The following RFX7 variants were observed in gnomAD, a reference collection of about 807,000 sequenced individuals.
RFX7 encodes DNA-binding protein RFX7.
RFX7 carries 26 observed loss-of-function variants against 111.8 expected under a neutral mutation model. The observed-to-expected ratio is 0.23, with a 90% CI of 0.17 to 0.32. The LOEUF is 0.32. Ranked by LOEUF, RFX7 falls within the 10% of genes least tolerant of loss-of-function variation. The pLI is 1.00. For missense variants in RFX7, 1,573 were observed against 1,772.9 expected, an observed-to-expected ratio of 0.89 and a Z score of 2.02; for synonymous variants, 624 against 624.4, an observed-to-expected ratio of 1.00 and a Z score of 0.01.
chr15:56,096,409 C>T lies in RFX7; in HGVS notation c.1319G>A (p.Ser440Asn). Residue 440 changes from serine (S) to asparagine (N), a missense_variant, in exon 10 of 10, where the codon AGT becomes AAT. This residue lies in a region of RFX7 where 288 missense variants were observed against 337.9 expected (regional missense o/e 0.85). Coordinates refer to ENST00000559447, the MANE Select transcript of RFX7 (RefSeq NM_022841.7). ...PQILPKPANT[S>N]ALTIRSPTTV... The stretch of plus-strand genomic sequence containing the variant: ...AGTTGGAGAGCGAATGGTGAGTGCA[C>T]TGGTGTTCGCTGGTTTGGGTAAGAT... 1.1e-5 allele frequency: 17 copies of T among 1,613,876 alleles called. No homozygotes were observed. The highest frequency in any genetic ancestry group is 1.4e-5 in the Non-Finnish European group (17 of 1,179,848).
intron 5 of RFX7, among the ~76,000 whole-genome samples, chr15:56,110,404 C>T (rs1193631244): frequency 9.9e-5 from 10 of 100,582 alleles, no homozygotes; most frequent in East Asian, 3.4e-4. Context: ...CCAGCCGCCC[C>T]GTCCGGGGGA....
At chr15:56,242,507 A>C (rs1317645430) in intron 2 of RFX7, among the ~76,000 whole-genome samples, 5 of 152,230 alleles carry the variant, frequency 3.3e-5, no homozygotes, top group African/African-American at 9.6e-5. Flanking sequence ...TTAAAAAAAA[A>C]CCACTTTGTT....
intron 2 of RFX7, among the ~76,000 whole-genome samples, chr15:56,223,244 C>T (rs1242835169): frequency 6.6e-6 from 1 of 152,150 alleles, no homozygotes; most frequent in African/African-American, 2.4e-5. Context: ...TCAGAATGAT[C>T]CCCATAAAGG....
intron 3 of RFX7, among the ~76,000 whole-genome samples, chr15:56,149,458 T>C (rs140894140): frequency 1.2e-3 from 179 of 152,270 alleles, no homozygotes; most frequent in South Asian, 5.0e-3. Context: ...CCCAGCGAGA[T>C]TGATGCAGAA....
At chr15:56,116,890 T>C (rs1334123578) in intron 5 of RFX7, among the ~76,000 whole-genome samples, 3 of 152,118 alleles carry the variant, frequency 2.0e-5, no homozygotes, top group African/African-American at 7.2e-5. Context: ...TGTACAAATA[T>C]TGAGTAAAAA....
At chr15:56,166,947 A>G (rs193109539) in intron 3 of RFX7, among the ~76,000 whole-genome samples, 2 of 152,240 alleles carry the variant, frequency 1.3e-5, no homozygotes, top group African/African-American at 2.4e-5. Context: ...TGGAATTACT[A>G]TTCCAAGGAG....
intron 5 of RFX7, among the ~76,000 whole-genome samples, chr15:56,140,478 C>T (rs1364633982): frequency 6.6e-6 from 1 of 152,206 alleles, no homozygotes; most frequent in Non-Finnish European, 1.5e-5. Context: ...CTTCGGCTGG[C>T]GCACGGTGCA....
rs757534799 is a variant in RFX7 at position 56,094,226 on chromosome 15, T to A, written c.3502A>T (p.Ser1168Cys). Reference protein sequence around the residue: ...ASSNFRCRSVSPAVHRQRNLS... With the variant: ...ASSNFRCRSVCPAVHRQRNLS... ...TTACGTTGGCGATGAACAGCAGGGC[T>A]CACACTCCGGCATCTGAAGTTGCTG... Residue 1168 changes from serine to cysteine, a missense_variant, in exon 10 of 10, where the codon AGC becomes TGC. Around this residue, in one of 7 missense-constraint regions of RFX7, gnomAD observed 411 missense variants for 478.1 expected, o/e 0.86. Coordinates refer to ENST00000559447, the MANE Select transcript of RFX7 (RefSeq NM_022841.7). 7 of 1,613,858 alleles carry A rather than the reference T, an allele frequency of 4.3e-6. No individual in the cohort carries two copies.
At chr15:56,226,029 A>C (rs1305773511) in intron 2 of RFX7, among the ~76,000 whole-genome samples, 1 of 152,080 alleles carries the variant, frequency 6.6e-6, no homozygotes, top group Non-Finnish European at 1.5e-5. Flanking sequence ...GGTAAGAACA[A>C]GAGAGGAAAA....
intron 5 of RFX7, among the ~76,000 whole-genome samples, chr15:56,108,855 A>C (rs1312964628): frequency 6.6e-6 from 1 of 152,176 alleles, no homozygotes; most frequent in Non-Finnish European, 1.5e-5. Context: ...AAAGTCTCAG[A>C]ATACAAAATC....
intron 5 of RFX7, among the ~76,000 whole-genome samples, chr15:56,117,181 A>G (rs75651141): frequency 6.6e-6 from 1 of 152,278 alleles, no homozygotes; most frequent in African/African-American, 2.4e-5. Context: ...ACTTTCCAAT[A>G]AAAGTTACAT....
At chr15:56,160,578 G>A (rs1471820777) in intron 3 of RFX7, 1 of 151,970 alleles carries the variant, frequency 6.6e-6, no homozygotes, top group Non-Finnish European at 1.5e-5. Flanking sequence ...CACTGATTCA[G>A]GAGCAGTTTC....
At chr15:56,114,196 G>A (rs990523031) in intron 5 of RFX7, among the ~76,000 whole-genome samples, 1 of 152,044 alleles carries the variant, frequency 6.6e-6, no homozygotes, top group Non-Finnish European at 1.5e-5. Flanking sequence ...CTGAGCTCAG[G>A]AGTTCAGGAC....
At chr15:56,131,271 C>CTTTTTT (rs140251962) in intron 5 of RFX7, among the ~76,000 whole-genome samples, 1 of 74,016 alleles carries the variant, frequency 1.4e-5, no homozygotes, top group African/African-American at 5.2e-5. Flanking sequence ...TATTAGGTAT[C>CTTTTTT]TTTTTTTTTT....
At chr15:56,172,823 T>C (rs1484182842) in intron 3 of RFX7, among the ~76,000 whole-genome samples, 4 of 152,220 alleles carry the variant, frequency 2.6e-5, no homozygotes, top group African/African-American at 9.6e-5. Flanking sequence ...AAGGGGCCTA[T>C]ATATTTTATT....
chr15:56,163,742 T>A (rs1195800110), intron 3 of RFX7, among the ~76,000 whole-genome samples: 1 of 152,190 alleles, frequency 6.6e-6, no homozygotes, highest in Non-Finnish European at 1.5e-5. Flanking sequence ...TTATTCTTTG[T>A]TATATACTAT....
At chr15:56,151,364 G>A (rs903006574) in intron 3 of RFX7, among the ~76,000 whole-genome samples, 4 of 152,178 alleles carry the variant, frequency 2.6e-5, no homozygotes. Context: ...AGCTCTCTCG[G>A]CAGAAACCCT....
Position 56,230,913 on chromosome 15 carries a change from T to C in RFX7, c.161+12212A>G, listed in dbSNP as rs528594204. On this transcript the variant is annotated intron_variant, in intron 2 of 9. Transcript: ENST00000559447. ...ATCAAGACCATCCTGGCTAACACAG[T>C]GTAACCCCAACTCTACTAAAAATAC... Among the ~76,000 whole-genome samples, 38 of 152,328 alleles carry C rather than the reference T, an allele frequency of 2.5e-4. 1 individual carries two copies. In the South Asian group the frequency reaches 7.9e-3, roughly 32 times the overall value.
chr15:56,183,488 G>A (rs991388654), intron 2 of RFX7, among the ~76,000 whole-genome samples: 3 of 151,826 alleles, frequency 2.0e-5, no homozygotes, highest in African/African-American at 7.3e-5. Flanking sequence ...CTTCCATCTG[G>A]GAGCCCATTC....
Sources: allele counts gnomAD v4.1 joint callset (sites outside exome capture counted in the v4.1 genomes callset), GRCh38; gene constraint gnomAD v4.1.1; regional missense constraint gnomAD v4.1.1; transcripts MANE v1.5; gene names NCBI Gene and HGNC (gene_info 2026-07-23, HGNC 2026-07-21).